The following NUBPL variants were observed in gnomAD, a reference collection of about 807,000 sequenced individuals.
NUBPL encodes NUBP iron-sulfur cluster assembly factor, mitochondrial.
NUBPL carries 31 observed loss-of-function variants against 45.7 expected under a neutral mutation model. The observed-to-expected ratio is 0.68, with a 90% CI of 0.51 to 0.92. The LOEUF is 0.92. Among genes scored for constraint, NUBPL ranks in the 40% least tolerant of loss-of-function variants. The probability of loss-of-function intolerance (pLI) is 0.00; values close to 1 mark genes in which losing one functional copy is unlikely to be tolerated. For missense variants in NUBPL, 401 were observed against 398.7 expected, an observed-to-expected ratio of 1.01 and a Z score of -0.05; for synonymous variants, 144 against 140.9, an observed-to-expected ratio of 1.02 and a Z score of -0.15.
intron 6 of NUBPL, among the ~76,000 whole-genome samples, chr14:31,737,512 G>T (rs1404930218): frequency 2.0e-5 from 3 of 152,150 alleles, no homozygotes; most frequent in African/African-American, 7.2e-5. Flanking sequence ...GTTTGGCACA[G>T]TGGCTCACAG....
intron 4 of NUBPL, among the ~76,000 whole-genome samples, chr14:31,622,627 G>T (rs1056210232): frequency 2.2e-4 from 33 of 152,346 alleles, no homozygotes; most frequent in African/African-American, 7.7e-4. Context: ...AGACGCCAAG[G>T]TATGGCTCAG....
At chr14:31,719,402 A>C (rs148982480) in intron 6 of NUBPL, among the ~76,000 whole-genome samples, 225 of 152,356 alleles carry the variant, frequency 1.5e-3, no homozygotes, top group Middle Eastern at 0.014. Context: ...GTATATAGAC[A>C]TAAGTCATAC....
intron 7 of NUBPL, among the ~76,000 whole-genome samples, chr14:31,806,728 C>T (rs1308891685): frequency 2.6e-5 from 4 of 152,156 alleles, no homozygotes; most frequent in South Asian, 4.2e-4. Flanking sequence ...CCCATTAACT[C>T]GTCATTTACA....
intron 6 of NUBPL, among the ~76,000 whole-genome samples, chr14:31,764,486 A>G (rs909960619): frequency 1.3e-5 from 2 of 152,200 alleles, no homozygotes; most frequent in African/African-American, 2.4e-5. Flanking sequence ...ACTGAACTCC[A>G]TAATGATTAT....
chr14:31,620,674 C>T (rs2035034398), intron 4 of NUBPL, among the ~76,000 whole-genome samples: 1 of 152,168 alleles, frequency 6.6e-6, no homozygotes, highest in South Asian at 2.1e-4. Flanking sequence ...AGAGAGGCAC[C>T]CACCAGACGC....
At position 31,632,183 on chromosome 14, in the gene NUBPL, AAAC is replaced by A. The variant is rs1209068254; in HGVS notation, c.382+32812_382+32814del. On this transcript the variant is annotated intron_variant, in intron 4 of 10. Coordinates refer to ENST00000281081, the MANE Select transcript of NUBPL (RefSeq NM_025152.3). ...TACAAGATGTGGGAGAAGTGTAGGGAAACAACAACAGATAGGATAGTAACTGAT... is the reference window on the plus strand; with the variant it reads ...TACAAGATGTGGGAGAAGTGTAGGGAAACAACAGATAGGATAGTAACTGAT... Among the ~76,000 whole-genome samples the A allele has an allele frequency of 4.6e-5, 7 of 152,184 alleles. 1 individual carries two copies. Among genetic ancestry groups the A allele is most frequent in the African/African-American group, 1.7e-4 (7 of 41,448 alleles).
chr14:31,793,972 T>C (rs1387763838), intron 7 of NUBPL, among the ~76,000 whole-genome samples: 2 of 101,488 alleles, frequency 2.0e-5, no homozygotes, highest in Non-Finnish European at 3.8e-5. Flanking sequence ...TGAGTGAGAA[T>C]ATGCGGTGTT....
At chr14:31,748,077 G>A (rs574743153) in intron 6 of NUBPL, among the ~76,000 whole-genome samples, 10 of 152,266 alleles carry the variant, frequency 6.6e-5, no homozygotes, top group African/African-American at 2.4e-4. Flanking sequence ...TCAGGGGCAT[G>A]CTGTTTAATT....
At chr14:31,700,880 C>T (rs886189942) in intron 6 of NUBPL, among the ~76,000 whole-genome samples, 2 of 152,116 alleles carry the variant, frequency 1.3e-5, no homozygotes, top group African/African-American at 2.4e-5. Context: ...ACGGGTGCTG[C>T]CCCCTGCTCC....
At chr14:31,574,627 G>A (rs1429006519) in intron 3 of NUBPL, among the ~76,000 whole-genome samples, 1 of 106,998 alleles carries the variant, frequency 9.3e-6, no homozygotes, top group Non-Finnish European at 1.7e-5. Flanking sequence ...GTCTTGCTCT[G>A]TTGCCCAGGC....
intron 6 of NUBPL, among the ~76,000 whole-genome samples, chr14:31,733,431 A>G (rs2038097535): frequency 6.6e-6 from 1 of 152,100 alleles, no homozygotes; most frequent in African/African-American, 2.4e-5. Flanking sequence ...ATTTTGAGAG[A>G]ATTGCCATCC....
chr14:31,646,555 T>C (rs1283382495), intron 4 of NUBPL, among the ~76,000 whole-genome samples: 1 of 152,192 alleles, frequency 6.6e-6, no homozygotes, highest in Non-Finnish European at 1.5e-5. Context: ...GCCTGTATGG[T>C]TTCTGTTGAG....
chr14:31,682,938 G>A (rs1385471730), intron 6 of NUBPL, among the ~76,000 whole-genome samples: 1 of 151,972 alleles, frequency 6.6e-6, no homozygotes, highest in Admixed American at 6.6e-5. Context: ...CACTCATGGT[G>A]GAAGGCAAAG....
At chr14:31,738,887 T>C (rs1207399032) in intron 6 of NUBPL, among the ~76,000 whole-genome samples, 1 of 152,142 alleles carries the variant, frequency 6.6e-6, no homozygotes, top group African/African-American at 2.4e-5. Context: ...GGGAAAAGTC[T>C]GTTATATAGT....
intron 7 of NUBPL, among the ~76,000 whole-genome samples, chr14:31,788,128 A>G (rs530638640): frequency 1.8e-4 from 28 of 152,332 alleles, no homozygotes; most frequent in South Asian, 1.0e-3. Context: ...AATTTGTCCA[A>G]GAGACAATTT....
chr14:31,787,800 C>G lies in NUBPL; in HGVS notation c.534C>G (p.Asp178Glu). The change falls in exon 7 of 11, where the codon GAC becomes GAG. Residue 178 changes from aspartate (D) to glutamate (E), a missense_variant. Transcript: ENST00000281081. Reference protein sequence around the residue: ...LLRQVDWGQLDYLVVDMPPGT... With the variant: ...LLRQVDWGQLEYLVVDMPPGT... ...TTTAGGTAGATTGGGGTCAACTGGA[C>G]TACTTAGTTGTAGACATGCCACCAG... is the stretch of plus-strand genomic sequence containing the variant. 1 of 1,611,986 alleles carries G rather than the reference C, an allele frequency of 6.2e-7. No individual in the cohort carries two copies. The highest frequency in any genetic ancestry group is 2.2e-5 in the East Asian group (1 of 44,836).
At chr14:31,743,526 T>C (rs7150402) in intron 6 of NUBPL, among the ~76,000 whole-genome samples, 70,175 of 151,892 alleles carry the variant, frequency 0.46, 17,507 homozygotes, top group African/African-American at 0.67. Flanking sequence ...ATTACAGGCA[T>C]GCACCACCAC....
chr14:31,851,937 T>C (rs894994984), intron 10 of NUBPL, among the ~76,000 whole-genome samples: 3 of 152,220 alleles, frequency 2.0e-5, no homozygotes, highest in Non-Finnish European at 2.9e-5. Flanking sequence ...AAACATTTCA[T>C]TGAAGTTAGA....
chr14:31,793,330 A>C (rs552842378), intron 7 of NUBPL, among the ~76,000 whole-genome samples: 1 of 152,122 alleles, frequency 6.6e-6, no homozygotes. Context: ...GTGAGTACTC[A>C]AATCCTGTGT....
Sources: gnomAD v4.1 joint callset for allele counts (sites outside exome capture counted in the v4.1 genomes callset) on GRCh38, gnomAD v4.1.1 for gene constraint, MANE v1.5 for transcripts, NCBI Gene and HGNC (gene_info 2026-07-23, HGNC 2026-07-21) for gene names.